The following CDKAL1 variants were observed in gnomAD, a reference collection of about 807,000 sequenced individuals.
The protein encoded by CDKAL1 is threonylcarbamoyladenosine tRNA methylthiotransferase.
Under a neutral mutation model 68.2 loss-of-function variants are expected in CDKAL1, and 32 were observed. The ratio of observed to expected loss-of-function variants is 0.47; its 90% CI spans 0.35 to 0.63. The LOEUF is 0.63. CDKAL1 is among the 30% of genes least tolerant of loss of function. The pLI is 0.00. For missense variants in CDKAL1, 606 were observed against 696.7 expected (o/e 0.87, Z 1.47); for synonymous variants, 234 against 244.3 (o/e 0.96, Z 0.39).
intron 11 of CDKAL1, among the ~76,000 whole-genome samples, chr6:21,008,668 T>G (rs1486155184): frequency 6.6e-6 from 1 of 152,220 alleles, no homozygotes; most frequent in South Asian, 2.1e-4. Context: ...CTTTTTTGAC[T>G]GCAGCATCCC....
chr6:20,836,619 T>A (rs1214978666), intron 8 of CDKAL1, among the ~76,000 whole-genome samples: 1 of 152,220 alleles, frequency 6.6e-6, no homozygotes, highest in Non-Finnish European at 1.5e-5. Context: ...ATTTCCTCTG[T>A]TGAGATGCAT....
chr6:20,770,492 A>G (rs1265844598), intron 7 of CDKAL1, among the ~76,000 whole-genome samples: 6 of 152,206 alleles, frequency 3.9e-5, no homozygotes, highest in Admixed American at 3.3e-4. Flanking sequence ...TTTAGGCCAC[A>G]TGAGTTTTGC....
chr6:21,151,320 G>C (rs558006710), intron 13 of CDKAL1, among the ~76,000 whole-genome samples: 2 of 152,204 alleles, frequency 1.3e-5, no homozygotes, highest in Non-Finnish European at 2.9e-5. Context: ...CTCCGACCCA[G>C]CCTCAGCGTG....
chr6:20,744,061 C>G lies in CDKAL1; in HGVS notation c.468+4446C>G, dbSNP rs1773567079. 2.0e-5 allele frequency among the ~76,000 whole-genome samples: 3 copies of G among 151,968 alleles called. 1 individual carries two copies. The South Asian group carries it at 6.2e-4, about 32-fold the overall frequency. Reference sequence around the variant, plus strand: ...CATTTTACCTTACAGTTAAAAATTCCCTTTCTCTTTTAACAAATAGTTATA... The same window carrying G: ...CATTTTACCTTACAGTTAAAAATTCGCTTTCTCTTTTAACAAATAGTTATA... On this transcript the variant is annotated intron_variant, in intron 6 of 15. Transcript: ENST00000274695.
intron 13 of CDKAL1, among the ~76,000 whole-genome samples, chr6:21,122,042 G>A (rs1454472648): frequency 6.6e-6 from 1 of 152,112 alleles, no homozygotes; most frequent in Non-Finnish European, 1.5e-5. Flanking sequence ...GCCCTATGGA[G>A]CTCAGTTTAA....
At chr6:21,041,177 C>T (rs1016744169) in intron 11 of CDKAL1, among the ~76,000 whole-genome samples, 3 of 152,126 alleles carry the variant, frequency 2.0e-5, no homozygotes, top group African/African-American at 7.2e-5. Flanking sequence ...TACTTGCAAG[C>T]TATTATTGAC....
At chr6:20,611,489 T>C (rs1246167007) in intron 4 of CDKAL1, among the ~76,000 whole-genome samples, 1 of 152,188 alleles carries the variant, frequency 6.6e-6, no homozygotes, top group African/African-American at 2.4e-5. Context: ...ATTTTACCTG[T>C]GACCCAGAAT....
At chr6:20,995,363 A>G (rs559209156) in intron 10 of CDKAL1, among the ~76,000 whole-genome samples, 1 of 152,340 alleles carries the variant, frequency 6.6e-6, no homozygotes, top group East Asian at 1.9e-4. Flanking sequence ...ACCTAGATCC[A>G]CCAGAGGAAT....
At chr6:21,182,688 A>C (rs1350050021) in intron 13 of CDKAL1, among the ~76,000 whole-genome samples, 2 of 152,206 alleles carry the variant, frequency 1.3e-5, no homozygotes, top group African/African-American at 2.4e-5. Flanking sequence ...TCTTAAAAAT[A>C]AAGAACAGTT....
chr6:21,010,141 G>A (rs987952673), intron 11 of CDKAL1, among the ~76,000 whole-genome samples: 8 of 152,068 alleles, frequency 5.3e-5, no homozygotes, highest in Non-Finnish European at 5.9e-5. Context: ...AATTTTTTAC[G>A]TAAAATGTTT....
chr6:20,554,609 C>T (rs1763963603), intron 4 of CDKAL1, among the ~76,000 whole-genome samples: 1 of 152,170 alleles, frequency 6.6e-6, no homozygotes, highest in Admixed American at 6.5e-5. Flanking sequence ...TTAAAGAGTT[C>T]TGAAAGAGTA....
At chr6:20,606,931 CCTT>C (rs1361052135) in intron 4 of CDKAL1, among the ~76,000 whole-genome samples, 2 of 152,112 alleles carry the variant, frequency 1.3e-5, no homozygotes, top group East Asian at 1.9e-4. Flanking sequence ...CTCATCTTGT[CCTT>C]CTGACAAATC....
chr6:20,590,324 G>A (rs1362984805), intron 4 of CDKAL1, among the ~76,000 whole-genome samples: 1 of 151,870 alleles, frequency 6.6e-6, no homozygotes, highest in African/African-American at 2.4e-5. Context: ...CAGAGTAAGG[G>A]CACCATAATT....
intron 8 of CDKAL1, among the ~76,000 whole-genome samples, chr6:20,803,673 T>C (rs1776457988): frequency 6.6e-6 from 1 of 152,118 alleles, no homozygotes; most frequent in South Asian, 2.1e-4. Flanking sequence ...ATAGTATCTT[T>C]TAAGAAGTTT....
intron 8 of CDKAL1, 86 bp from the exon 9 acceptor site, chr6:20,845,989 T>G (rs1054448687): frequency 1.3e-5 from 10 of 772,786 alleles, no homozygotes; most frequent in Non-Finnish European, 1.9e-5. Flanking sequence ...GAAAGAGCAC[T>G]TTTGTGTATG....
chr6:20,881,687 C>T (rs184359117), intron 9 of CDKAL1, among the ~76,000 whole-genome samples: 1 of 152,152 alleles, frequency 6.6e-6, no homozygotes, highest in East Asian at 1.9e-4. Flanking sequence ...TGTGAAATGT[C>T]TTTCATATTT....
intron 8 of CDKAL1, among the ~76,000 whole-genome samples, chr6:20,842,890 A>G (rs1347795676): frequency 6.6e-6 from 1 of 152,204 alleles, no homozygotes; most frequent in Non-Finnish European, 1.5e-5. Context: ...ATTAACCCCA[A>G]GGGAACAATT....
At chr6:21,087,811 C>A (rs1178547971) in intron 12 of CDKAL1, among the ~76,000 whole-genome samples, 1 of 151,992 alleles carries the variant, frequency 6.6e-6, no homozygotes, top group Non-Finnish European at 1.5e-5. Context: ...CACACACACA[C>A]ACATTTCCTA....
At chr6:21,095,178 G>A (rs556077201) in intron 12 of CDKAL1, among the ~76,000 whole-genome samples, 1 of 152,326 alleles carries the variant, frequency 6.6e-6, no homozygotes, top group African/African-American at 2.4e-5. Flanking sequence ...GAGGCTGAGT[G>A]GAGAGGCCTA....
Sources: allele counts gnomAD v4.1 joint callset (sites outside exome capture counted in the v4.1 genomes callset), GRCh38; gene constraint gnomAD v4.1.1; transcripts MANE v1.5; gene names NCBI Gene and HGNC (gene_info 2026-07-23, HGNC 2026-07-21).